The following SLC41A3 variants were observed in gnomAD, a reference collection of about 807,000 sequenced individuals.
SLC41A3 encodes the protein SLC41A1-like 2.
A neutral mutation model predicts 45.4 loss-of-function variants in SLC41A3; 44 were observed. That is an observed-to-expected ratio of 0.97 (90% confidence interval 0.76 to 1.25). SLC41A3 has a LOEUF of 1.25. SLC41A3 is among the 50% of genes most tolerant of loss of function. The probability of loss-of-function intolerance (pLI) is 0.00; values close to 1 mark genes in which losing one functional copy is unlikely to be tolerated. For missense variants in SLC41A3, 550 were observed against 600.6 expected, an observed-to-expected ratio of 0.92 and a Z score of 0.88; for synonymous variants, 256 against 252.4, an observed-to-expected ratio of 1.01 and a Z score of -0.13.
chr3:126,024,799 G>C (rs1418905412), intron 5 of SLC41A3: 1 of 152,276 alleles, frequency 6.6e-6, no homozygotes, highest in African/African-American at 2.4e-5. Context: ...GAGAGAGCTG[G>C]AGGAGAGTCC....
chr3:126,006,994 A>C lies in SLC41A3; in HGVS notation c.*22T>G. The C allele has an allele frequency of 6.2e-7, 1 of 1,614,028 alleles. No individual in the cohort carries two copies. The highest frequency in any genetic ancestry group is 8.5e-7 in the Non-Finnish European group (1 of 1,179,912). ...GATGTGAGAGGAAATTCTAATGAGC[A>C]AATGGGACCAGCGGGGCCCAGTTAG... On this transcript the variant is annotated 3_prime_UTR_variant, in exon 11 of 11. Transcript: ENST00000360370.
intron 3 of SLC41A3, among the ~76,000 whole-genome samples, chr3:126,042,049 A>C (rs894093409): frequency 6.6e-6 from 1 of 152,194 alleles, no homozygotes; most frequent in African/African-American, 2.4e-5. Flanking sequence ...CCTGCTGGCT[A>C]TCCTCTGGCT....
chr3:126,068,017 T>C lies in SLC41A3; in HGVS notation c.203A>G (p.Gln68Arg). 1 of 1,613,904 alleles carries C rather than the reference T, an allele frequency of 6.2e-7. No homozygotes were observed. Among genetic ancestry groups the C allele is most frequent in the Non-Finnish European group, 8.5e-7 (1 of 1,179,974 alleles). Reference protein sequence around the residue: ...SRETTWSIGLQVTVPFMFAGL... With the variant: ...SRETTWSIGLRVTVPFMFAGL... ...TGCAAACATGAAGGGCACGGTCACC[T>C]GAAGGCCTATGGACCAGGTGGTCTC... The change falls in exon 2 of 11, where the codon CAG (glutamine) becomes CGG (arginine). Residue 68 changes from glutamine to arginine, a missense_variant. By Grantham distance (43) the Gln-to-Arg change is conservative. Transcript: ENST00000360370.
intron 3 of SLC41A3, among the ~76,000 whole-genome samples, chr3:126,042,443 C>G (rs755601886): frequency 6.6e-6 from 1 of 152,054 alleles, no homozygotes; most frequent in Non-Finnish European, 1.5e-5. Context: ...CAGAGCCAGT[C>G]TGCAAAGATT....
At chr3:126,034,051 A>G (rs1352177376) in intron 3 of SLC41A3, among the ~76,000 whole-genome samples, 1 of 152,178 alleles carries the variant, frequency 6.6e-6, no homozygotes, top group Non-Finnish European at 1.5e-5. Flanking sequence ...AGCAATTTGA[A>G]GGCCATTTCT....
intron 3 of SLC41A3, among the ~76,000 whole-genome samples, chr3:126,039,073 T>C (rs909442891): frequency 6.6e-6 from 1 of 152,174 alleles, no homozygotes; most frequent in Non-Finnish European, 1.5e-5. Context: ...GGAAGCTTCC[T>C]AAAGCCCTCA....
At chr3:126,090,235 T>C (rs1200480090) in intron 1 of SLC41A3, among the ~76,000 whole-genome samples, 1 of 152,122 alleles carries the variant, frequency 6.6e-6, no homozygotes. Context: ...AGTATATTTT[T>C]AGGTAAAGTT....
chr3:126,025,801 C>T (rs1016451757), intron 5 of SLC41A3: 1 of 152,812 alleles, frequency 6.5e-6, no homozygotes, highest in Non-Finnish European at 1.5e-5. Context: ...ATGTCTGCTG[C>T]TGCCAAGCCG....
intron 9 of SLC41A3, among the ~76,000 whole-genome samples, chr3:126,010,544 C>T (rs1385304449): frequency 2.6e-5 from 4 of 152,232 alleles, no homozygotes; most frequent in African/African-American, 7.2e-5. Flanking sequence ...GCAAAACAGA[C>T]AACTTTCAGA....
chr3:126,099,459 C>A (rs1945666503), intron 1 of SLC41A3, among the ~76,000 whole-genome samples: 1 of 152,176 alleles, frequency 6.6e-6, no homozygotes, highest in South Asian at 2.1e-4. Context: ...CGCCCATAAT[C>A]CCAGCACTTT....
intron 1 of SLC41A3, among the ~76,000 whole-genome samples, chr3:126,073,486 A>G (rs1944727444): frequency 6.6e-6 from 1 of 152,150 alleles, no homozygotes; most frequent in Non-Finnish European, 1.5e-5. Flanking sequence ...CTTATTAGGT[A>G]CTATGTTTAT....
intron 4 of SLC41A3, among the ~76,000 whole-genome samples, chr3:126,031,665 T>C (rs149486484): frequency 2.5e-4 from 38 of 152,334 alleles, no homozygotes; most frequent in Non-Finnish European, 4.7e-4. Context: ...ATTGGGACTA[T>C]ACACCAAGCC....
At chr3:126,058,778 CCTT>C (rs1304711960) in intron 2 of SLC41A3, among the ~76,000 whole-genome samples, 3 of 152,206 alleles carry the variant, frequency 2.0e-5, no homozygotes, top group Non-Finnish European at 4.4e-5. Flanking sequence ...ACGTGAGCCT[CCTT>C]CTTGCAAGTA....
At chr3:126,018,306 C>T (rs1019042750) in intron 6 of SLC41A3, among the ~76,000 whole-genome samples, 1 of 152,234 alleles carries the variant, frequency 6.6e-6, no homozygotes, top group African/African-American at 2.4e-5. Flanking sequence ...TGAACTCTCA[C>T]TTATTTTGCA....
rs201901699 is a variant in SLC41A3 at position 126,067,948 on chromosome 3, T to C, written c.272A>G (p.Gln91Arg). 7.0e-5 allele frequency: 112 copies of C among 1,591,326 alleles called. No homozygotes were observed. Among genetic ancestry groups the C allele is most frequent in the Non-Finnish European group, 8.3e-5 (97 of 1,168,576 alleles). Reference sequence around the variant, plus strand: ...TGTCCCCATTTAGTTCCCTCTTACCTGGAAATAGTCCAGAAGCATGCCGGC... The same window carrying C: ...TGTCCCCATTTAGTTCCCTCTTACCCGGAAATAGTCCAGAAGCATGCCGGC... ...SWAGMLLDYF[Q>R]HWPVFVEVKD... The change falls in exon 2 of 11, where the codon CAG becomes CGG. Residue 91 changes from glutamine (Q) to arginine (R), a missense_variant and splice_region_variant. By Grantham distance (43) the Gln-to-Arg change is conservative. Coordinates refer to ENST00000360370, the MANE Select transcript of SLC41A3 (RefSeq NM_017836.4).
upstream of SLC41A3, among the ~76,000 whole-genome samples, chr3:126,084,643 C>G (rs571946879): frequency 1.3e-5 from 2 of 152,278 alleles, no homozygotes; most frequent in South Asian, 4.1e-4. Context: ...ATCAGTAAGG[C>G]CTATTTTTTT....
chr3:126,045,137 GT>G (rs774600622), intron 3 of SLC41A3, among the ~76,000 whole-genome samples: 16 of 151,776 alleles, frequency 1.1e-4, no homozygotes, highest in Admixed American at 6.6e-4. Context: ...AGTGAAAGCA[GT>G]TTTAAAGGGA....
chr3:126,034,299 A>T (rs1942028707), intron 3 of SLC41A3, among the ~76,000 whole-genome samples: 1 of 152,240 alleles, frequency 6.6e-6, no homozygotes, highest in African/African-American at 2.4e-5. Flanking sequence ...TATCCTTTAA[A>T]AATGGTTTTT....
At chr3:126,039,882 G>C (rs374767795) in intron 3 of SLC41A3, among the ~76,000 whole-genome samples, 188 of 152,328 alleles carry the variant, frequency 1.2e-3, no homozygotes, top group African/African-American at 4.1e-3. Flanking sequence ...ACGTTTCCTA[G>C]TTCAGTGCAC....
Sources: gnomAD v4.1 joint callset for allele counts (sites outside exome capture counted in the v4.1 genomes callset) on GRCh38, gnomAD v4.1.1 for gene constraint, MANE v1.5 for transcripts, NCBI Gene and HGNC (gene_info 2026-07-23, HGNC 2026-07-21) for gene names.